NPFFR1: variants seen among roughly 807,000 people sequenced by gnomAD.
The protein encoded by NPFFR1 is G-protein coupled receptor 147.
A neutral mutation model predicts 12.7 loss-of-function variants in NPFFR1; 17 were observed. The ratio of observed to expected loss-of-function variants is 1.34; its 90% CI spans 0.92 to 2.01. The LOEUF (loss-of-function observed/expected upper bound fraction) is 2.01, where lower values mean the gene tolerates loss of function less well. Ranked by LOEUF, NPFFR1 falls within the 30% of genes most tolerant of loss-of-function variation. The pLI, the probability that NPFFR1 is intolerant of heterozygous loss-of-function variation, is 0.00. For synonymous variants in NPFFR1, 296 were observed against 264.5 expected (o/e 1.12, Z -1.16); for missense variants, 604 against 606.5 (o/e 1.00, Z 0.04).
chr10:70,263,183 A>T (rs1003180820), intron 2 of NPFFR1, among the ~76,000 whole-genome samples: 1 of 152,132 alleles, frequency 6.6e-6, no homozygotes, highest in South Asian at 2.1e-4. Flanking sequence ...AAGCAACAAC[A>T]ACAACAACAA....
intron 1 of NPFFR1, among the ~76,000 whole-genome samples, chr10:70,282,311 T>C (rs185325893): frequency 6.6e-6 from 1 of 152,360 alleles, no homozygotes; most frequent in Non-Finnish European, 1.5e-5. Flanking sequence ...AGATTCCTTC[T>C]TGTTATTCTT....
In NPFFR1 at chr10:70,248,489, T is replaced by TTTTTTTTTTTTTTTTTG. The variant is rs1840477391; in HGVS notation, c.*6467_*6468insCAAAAAAAAAAAAAAAA. On this transcript the variant is annotated 3_prime_UTR_variant, in exon 4 of 4. Coordinates refer to ENST00000277942, the MANE Select transcript of NPFFR1 (RefSeq NM_022146.5). ...GGCGTTTTTTTTTTGTTTTTTGTTT[T>TTTTTTTTTTTTTTTTTG]TTTTTTTTTTTTTTGAGATGGAGTC... The TTTTTTTTTTTTTTTTTG allele has an allele frequency of 3.5e-5, 4 of 113,880 alleles. No individual in the cohort carries two copies. The highest frequency in any genetic ancestry group is 3.2e-4 in the South Asian group (1 of 3,174). 7.1% of individuals were successfully genotyped at this position (113,880 alleles called of 1,614,324 possible). A position where few individuals can be genotyped will look rare whatever the true frequency, so the allele number is the denominator to read the frequency against.
chr10:70,282,953 T>C (rs1292079902), intron 1 of NPFFR1, among the ~76,000 whole-genome samples: 2 of 152,162 alleles, frequency 1.3e-5, no homozygotes, highest in Admixed American at 1.3e-4. Context: ...TCTCTCTACA[T>C]GGAGGATATC....
rs902959539 is a variant in NPFFR1 at position 70,252,120 on chromosome 10, T to C, written c.*2837A>G. 2.0e-5 allele frequency: 3 copies of C among 152,164 alleles called. No individual in the cohort carries two copies. The East Asian group carries it at 5.8e-4, about 29-fold the overall frequency. The allele number at this position is 152,164 out of a possible 1,614,324, so 9.4% of individuals were successfully genotyped here. On this transcript the variant is annotated 3_prime_UTR_variant, in exon 4 of 4. Coordinates refer to ENST00000277942, the MANE Select transcript of NPFFR1 (RefSeq NM_022146.5). Reference sequence around the variant, plus strand: ...TACATTATTCACAGTAGCCAAAAGATAGAAACAACCTAAGTGTCCACTGAT... The same window carrying C: ...TACATTATTCACAGTAGCCAAAAGACAGAAACAACCTAAGTGTCCACTGAT...
chr10:70,273,715 G>T (rs1396147263), intron 1 of NPFFR1, among the ~76,000 whole-genome samples: 1 of 152,142 alleles, frequency 6.6e-6, no homozygotes, highest in East Asian at 1.9e-4. Flanking sequence ...CTTTGGATTT[G>T]CCTCTGAGTC....
chr10:70,281,329 C>T (rs10762357), intron 1 of NPFFR1, among the ~76,000 whole-genome samples: 92,476 of 151,964 alleles, frequency 0.61, 28,149 homozygotes, highest in South Asian at 0.72. Flanking sequence ...TCGGGTTCAC[C>T]CTGCACTTTT....
intron 1 of NPFFR1, among the ~76,000 whole-genome samples, chr10:70,281,593 T>A (rs1840863059): frequency 6.6e-6 from 1 of 152,214 alleles, no homozygotes; most frequent in African/African-American, 2.4e-5. Context: ...TATATGTATA[T>A]TTCCAATAAT....
rs980796151 is a variant in NPFFR1 at position 70,247,963 on chromosome 10, C to G, written c.*6994G>C. ...TGCTGGTATTCCTTCTATCCCAAAT[C>G]TTTGGAAGCCATTGAAAGTGATGCA... is the stretch of plus-strand genomic sequence containing the variant. On this transcript the variant is annotated 3_prime_UTR_variant, in exon 4 of 4. Transcript: ENST00000277942. The G allele has an allele frequency of 4.6e-5, 7 of 152,204 alleles. No individual in the cohort carries two copies. The highest frequency in any genetic ancestry group is 2.9e-5 in the Non-Finnish European group (2 of 68,044). The allele number at this position is 152,204 out of a possible 1,614,324, so 9.4% of individuals were successfully genotyped here.
intron 1 of NPFFR1, among the ~76,000 whole-genome samples, chr10:70,269,103 T>A (rs1677133906): frequency 6.6e-6 from 1 of 152,146 alleles, no homozygotes; most frequent in Non-Finnish European, 1.5e-5. Context: ...TCCCTCATGA[T>A]GTCATTTTAC....
chr10:70,275,986 C>A (rs530738726), intron 1 of NPFFR1, among the ~76,000 whole-genome samples: 2 of 152,272 alleles, frequency 1.3e-5, no homozygotes, highest in South Asian at 4.2e-4. Context: ...AGCCAGGACG[C>A]CTGTTCTGAG....
intron 3 of NPFFR1, among the ~76,000 whole-genome samples, chr10:70,257,104 C>T (rs1205904365): frequency 6.6e-6 from 1 of 151,966 alleles, no homozygotes; most frequent in Non-Finnish European, 1.5e-5. Flanking sequence ...CCATCTCTAC[C>T]AAAAAAATTA....
At chr10:70,283,377 C>A (rs1467759133) in intron 1 of NPFFR1, among the ~76,000 whole-genome samples, 4 of 151,624 alleles carry the variant, frequency 2.6e-5, no homozygotes, top group Non-Finnish European at 4.4e-5. Context: ...CACACACAGG[C>A]ACAACATGAA....
At chr10:70,260,226 G>A (rs1364015528) in intron 3 of NPFFR1, among the ~76,000 whole-genome samples, 4 of 152,132 alleles carry the variant, frequency 2.6e-5, no homozygotes, top group Admixed American at 2.6e-4. Flanking sequence ...AGCCAGTGGG[G>A]ACAGAATAAG....
chr10:70,268,845 T>C (rs1351887978), intron 1 of NPFFR1, among the ~76,000 whole-genome samples: 1 of 152,208 alleles, frequency 6.6e-6, no homozygotes, highest in Non-Finnish European at 1.5e-5. Context: ...ATAAATAGTT[T>C]CTCCTGTTGA....
intron 1 of NPFFR1, among the ~76,000 whole-genome samples, chr10:70,275,868 G>GA (rs1840799278): frequency 6.6e-6 from 1 of 152,126 alleles, no homozygotes; most frequent in African/African-American, 2.4e-5. Flanking sequence ...CATTTCACAG[G>GA]AAAATCAAAA....
intron 2 of NPFFR1, among the ~76,000 whole-genome samples, chr10:70,262,679 C>T (rs965149880): frequency 6.6e-6 from 1 of 152,196 alleles, no homozygotes; most frequent in African/African-American, 2.4e-5. Flanking sequence ...GAATCTGTGA[C>T]AGTGGGTTAG....
chr10:70,268,750 C>T (rs1456562677), intron 1 of NPFFR1, among the ~76,000 whole-genome samples: 1 of 152,174 alleles, frequency 6.6e-6, no homozygotes, highest in Non-Finnish European at 1.5e-5. Flanking sequence ...TTCTTAAGTC[C>T]GAGACTCTGG....
chr10:70,260,586 C>G (rs910028434), intron 3 of NPFFR1, 54 bp downstream of exon 3: 10 of 1,475,294 alleles, frequency 6.8e-6, no homozygotes, highest in East Asian at 4.8e-5. Flanking sequence ...AGTGGCTCCT[C>G]TTAATGCCAG....
At chr10:70,280,488 T>A (rs1162614494) in intron 1 of NPFFR1, among the ~76,000 whole-genome samples, 1 of 152,222 alleles carries the variant, frequency 6.6e-6, no homozygotes, top group Non-Finnish European at 1.5e-5. Flanking sequence ...TCAGTGATAT[T>A]GGGCATTTTT....
Sources: gnomAD v4.1 joint callset for allele counts (sites outside exome capture counted in the v4.1 genomes callset) on GRCh38, gnomAD v4.1.1 for gene constraint, MANE v1.5 for transcripts, NCBI Gene and HGNC (gene_info 2026-07-23, HGNC 2026-07-21) for gene names.